The following SEMA5A variants were observed in gnomAD, a reference collection of about 807,000 sequenced individuals.
The protein encoded by SEMA5A is semaphorin-5A.
SEMA5A carries 55 observed loss-of-function variants against 135.5 expected under a neutral mutation model. The ratio of observed to expected loss-of-function variants is 0.41; its 90% CI spans 0.33 to 0.51. The LOEUF is 0.51. SEMA5A is among the 20% of genes least tolerant of loss of function. The probability of loss-of-function intolerance (pLI) is 0.37; values close to 1 mark genes in which losing one functional copy is unlikely to be tolerated. For synonymous variants in SEMA5A, 580 were observed against 546.5 expected, an observed-to-expected ratio of 1.06 and a Z score of -0.85; for missense variants, 1,290 against 1,419.9, an observed-to-expected ratio of 0.91 and a Z score of 1.47.
chr5:9,284,380 A>C (rs1487727553), intron 5 of SEMA5A, among the ~76,000 whole-genome samples: 3 of 152,246 alleles, frequency 2.0e-5, no homozygotes, highest in Non-Finnish European at 4.4e-5. Context: ...AAAGACCTTC[A>C]GTTTCATAAT....
At chr5:9,275,411 A>G (rs1328096586) in intron 5 of SEMA5A, among the ~76,000 whole-genome samples, 1 of 152,116 alleles carries the variant, frequency 6.6e-6, no homozygotes, top group Admixed American at 6.5e-5. Context: ...GTACAAAGAG[A>G]AGCTGGTACC....
rs748584436 is a variant in SEMA5A at position 9,063,058 on chromosome 5, C to T, written c.2347G>A (p.Val783Ile). The change falls in exon 18 of 23, where the codon GTC becomes ATC. Residue 783 changes from valine to isoleucine, a missense_variant. Physicochemically the swap from Val to Ile is conservative, Grantham distance 29. Coordinates refer to ENST00000382496, the MANE Select transcript of SEMA5A (RefSeq NM_003966.3). Reference sequence around the variant, plus strand: ...GTCCAGGCTGACCAAGCCCCGTTGACCGTGTGGGCAGAGTATCTCCCAGCA... The same window carrying T: ...GTCCAGGCTGACCAAGCCCCGTTGATCGTGTGGGCAGAGTATCTCCCAGCA... ...LRAGRYSAHT[V>I]NGAWSAWTSW... 16 of 1,614,064 alleles carry T rather than the reference C, an allele frequency of 9.9e-6. No homozygotes were observed. The highest frequency in any genetic ancestry group is 1.2e-5 in the Non-Finnish European group (14 of 1,180,042).
intron 11 of SEMA5A, among the ~76,000 whole-genome samples, chr5:9,179,465 G>T (rs576034301): frequency 6.6e-6 from 1 of 152,098 alleles, no homozygotes; most frequent in African/African-American, 2.4e-5. Context: ...AGATGAAGTT[G>T]GTTGCATCCT....
chr5:9,345,102 C>A (rs1753804212), intron 3 of SEMA5A, among the ~76,000 whole-genome samples: 1 of 152,138 alleles, frequency 6.6e-6, no homozygotes, highest in South Asian at 2.1e-4. Context: ...TATGGTATGG[C>A]CTGAAAATCA....
chr5:9,075,556 C>CAAAAAAA (rs11377429), intron 16 of SEMA5A, among the ~76,000 whole-genome samples: 1 of 146,186 alleles, frequency 6.8e-6, no homozygotes. Context: ...AAAAAGCCAG[C>CAAAAAAA]AAAAAAAAAA....
At chr5:9,216,121 C>A (rs886717348) in intron 8 of SEMA5A, among the ~76,000 whole-genome samples, 1 of 152,168 alleles carries the variant, frequency 6.6e-6, no homozygotes, top group African/African-American at 2.4e-5. Context: ...TTGATGTGAA[C>A]ATTTAGTGCT....
At chr5:9,219,741 C>T (rs554830033) in intron 8 of SEMA5A, among the ~76,000 whole-genome samples, 1 of 152,214 alleles carries the variant, frequency 6.6e-6, no homozygotes, top group South Asian at 2.1e-4. Flanking sequence ...GTTTAAGCAC[C>T]CAGGCTGTGA....
At chr5:9,497,659 A>AT (rs1735372363) in intron 1 of SEMA5A, among the ~76,000 whole-genome samples, 1 of 152,196 alleles carries the variant, frequency 6.6e-6, no homozygotes, top group African/African-American at 2.4e-5. Context: ...ATGTGGAAGT[A>AT]TTATCATTGT....
intron 3 of SEMA5A, among the ~76,000 whole-genome samples, chr5:9,377,234 G>C (rs9313274): frequency 2.0e-5 from 3 of 152,006 alleles, no homozygotes; most frequent in African/African-American, 7.3e-5. Flanking sequence ...TTTCATCTAA[G>C]GAAAGAGAAC....
At chr5:9,190,505 G>A (rs769434867) in intron 10 of SEMA5A, 34 bp from the exon 11 acceptor site, 47 of 1,603,898 alleles carry the variant, frequency 2.9e-5, no homozygotes, top group South Asian at 2.4e-4. Context: ...TACCAGAGCC[G>A]GCAGCCTGGA....
At chr5:9,226,676 G>T (rs1370091410) in intron 7 of SEMA5A, among the ~76,000 whole-genome samples, 193 bp downstream of exon 7, 2 of 152,056 alleles carry the variant, frequency 1.3e-5, no homozygotes, top group Non-Finnish European at 1.5e-5. Context: ...ATTATTTCCA[G>T]TTATTTATCT....
chr5:9,133,642 T>C (rs1431969581), intron 13 of SEMA5A, among the ~76,000 whole-genome samples: 1 of 152,184 alleles, frequency 6.6e-6, no homozygotes. Context: ...CAGATCCTTG[T>C]TACCTTCTGA....
At chr5:9,343,641 A>G (rs1430845870) in intron 3 of SEMA5A, among the ~76,000 whole-genome samples, 28 of 152,086 alleles carry the variant, frequency 1.8e-4, no homozygotes, top group Admixed American at 1.8e-3. Context: ...CATTACATAA[A>G]CCATCCTATC....
At chr5:9,441,298 G>T (rs1330206838) in intron 1 of SEMA5A, among the ~76,000 whole-genome samples, 1 of 152,196 alleles carries the variant, frequency 6.6e-6, no homozygotes, top group Non-Finnish European at 1.5e-5. Flanking sequence ...TGTGATGTGG[G>T]CTCTAAGGGA....
intron 2 of SEMA5A, among the ~76,000 whole-genome samples, chr5:9,381,626 G>A (rs1429451987): frequency 6.6e-6 from 1 of 152,154 alleles, no homozygotes; most frequent in Non-Finnish European, 1.5e-5. Flanking sequence ...AACACATTTA[G>A]GTGCTATAGT....
At chr5:9,092,135 CA>C (rs1579377198) in intron 16 of SEMA5A, among the ~76,000 whole-genome samples, 1 of 152,164 alleles carries the variant, frequency 6.6e-6, no homozygotes, top group Non-Finnish European at 1.5e-5. Flanking sequence ...CACCCAGCTG[CA>C]TCCTGAGCGA....
At chr5:9,334,088 C>T (rs1181922264) in intron 4 of SEMA5A, among the ~76,000 whole-genome samples, 2 of 152,184 alleles carry the variant, frequency 1.3e-5, no homozygotes, top group East Asian at 3.9e-4. Flanking sequence ...TCTTTTGCAG[C>T]CTAACGAACT....
At chr5:9,410,110 C>A (rs775344855) in intron 2 of SEMA5A, among the ~76,000 whole-genome samples, 1 of 152,038 alleles carries the variant, frequency 6.6e-6, no homozygotes, top group East Asian at 1.9e-4. Flanking sequence ...AGTTTTATTT[C>A]TCAGTACCTG....
intron 5 of SEMA5A, among the ~76,000 whole-genome samples, chr5:9,273,854 A>G (rs1016976596): frequency 3.3e-5 from 5 of 152,168 alleles, no homozygotes; most frequent in African/African-American, 1.2e-4. Context: ...AAACATGGAA[A>G]GGAACAACCA....
Sources: allele counts gnomAD v4.1 joint callset (sites outside exome capture counted in the v4.1 genomes callset), GRCh38; gene constraint gnomAD v4.1.1; transcripts MANE v1.5; gene names NCBI Gene and HGNC (gene_info 2026-07-23, HGNC 2026-07-21).